Variants in HDAC9 observed in about 807,000 individuals in gnomAD.
HDAC9 encodes MEF-2 interacting transcription repressor (MITR) protein.
Under a neutral mutation model 139.4 loss-of-function variants are expected in HDAC9, and 41 were observed. The observed-to-expected ratio is 0.29, with a 90% CI of 0.23 to 0.38. The LOEUF is 0.38. HDAC9 is among the 10% of genes least tolerant of loss of function. The probability of loss-of-function intolerance (pLI) is 1.00; values close to 1 mark genes in which losing one functional copy is unlikely to be tolerated. For missense variants in HDAC9, 1,147 were observed against 1,297.0 expected (o/e 0.88, Z 1.78); for synonymous variants, 517 against 476.2 (o/e 1.09, Z -1.12).
intron 12 of HDAC9, among the ~76,000 whole-genome samples, chr7:18,716,377 CAA>C (rs894651589): frequency 1.4e-4 from 21 of 152,114 alleles, no homozygotes; most frequent in African/African-American, 4.8e-4. Context: ...TTTTCTATTG[CAA>C]AAGACATTAC....
At chr7:18,948,582 T>G (rs182071489) in intron 23 of HDAC9, among the ~76,000 whole-genome samples, 1 of 152,250 alleles carries the variant, frequency 6.6e-6, no homozygotes, top group Non-Finnish European at 1.5e-5. Context: ...TAAAATTACT[T>G]CAAAAAACAT....
intron 11 of HDAC9, among the ~76,000 whole-genome samples, chr7:18,661,024 A>G (rs990448279): frequency 2.4e-4 from 37 of 152,164 alleles, no homozygotes; most frequent in African/African-American, 7.0e-4. Context: ...AAGAGATTGT[A>G]CTGTTGAGGG....
intron 1 of HDAC9, among the ~76,000 whole-genome samples, chr7:18,399,516 T>C (rs772407846): frequency 2.0e-5 from 3 of 152,142 alleles, no homozygotes; most frequent in Non-Finnish European, 4.4e-5. Context: ...TCAACTTTCA[T>C]TTGTTGTTTT....
intron 2 of HDAC9, among the ~76,000 whole-genome samples, chr7:18,175,393 TC>T (rs1419758399): frequency 1.2e-4 from 18 of 152,174 alleles, no homozygotes; most frequent in Admixed American, 5.9e-4. Context: ...GAAAGGGAAT[TC>T]CCCAACTCCT....
At chr7:18,134,879 T>C (rs2128104720) in intron 1 of HDAC9, among the ~76,000 whole-genome samples, 1 of 152,302 alleles carries the variant, frequency 6.6e-6, no homozygotes, top group African/African-American at 2.4e-5. Context: ...TTGCCATTTG[T>C]TTTTATGCAT....
At position 18,127,574 on chromosome 7, in the gene HDAC9, C is replaced by T. The variant is rs186024750; in HGVS notation, c.-96-34655C>T. ...TTATTCTCTCTGGTTTTCAAAGTGT[C>T]TAGTGACTATTTTAAAAAAGGAATA... is the stretch of plus-strand genomic sequence containing the variant. On this transcript the variant is annotated intron_variant, in intron 1 of 12. Coordinates refer to the HDAC9 transcript ENST00000417496. 2.0e-5 allele frequency among the ~76,000 whole-genome samples: 3 copies of T among 152,154 alleles called. No homozygotes were observed. The East Asian group carries it at 5.8e-4, about 29-fold the overall frequency.
At chr7:18,900,352 A>T (rs930509887) in intron 22 of HDAC9, among the ~76,000 whole-genome samples, 1 of 152,146 alleles carries the variant, frequency 6.6e-6, no homozygotes, top group Non-Finnish European at 1.5e-5. Context: ...TGATCCTGGG[A>T]TGCTGTGAAA....
At chr7:18,701,219 A>T (rs1218232438) in intron 12 of HDAC9, among the ~76,000 whole-genome samples, 25 of 152,114 alleles carry the variant, frequency 1.6e-4, no homozygotes, top group Admixed American at 1.6e-3. Flanking sequence ...AACAAACAAG[A>T]AAACAACTCT....
intron 1 of HDAC9, among the ~76,000 whole-genome samples, chr7:18,434,047 G>T (rs1790938708): frequency 6.6e-6 from 1 of 152,098 alleles, no homozygotes; most frequent in African/African-American, 2.4e-5. Flanking sequence ...AAACAGCATG[G>T]TACTGGTACA....
In HDAC9 at chr7:18,532,009, G is replaced by A. The variant is rs185980041; in HGVS notation, c.22+35685G>A. ...CAAGCCTGTAATCCCAGCACTTTGG[G>A]AGGCCGAGGCAGGTGGATTACCTGA... On this transcript the variant is annotated intron_variant, in intron 2 of 25. Coordinates refer to ENST00000686413, the MANE Select transcript of HDAC9 (RefSeq NM_178425.4). 5.7e-3 allele frequency among the ~76,000 whole-genome samples: 870 copies of A among 152,302 alleles called. 8 individuals are homozygous for A. Among genetic ancestry groups the A allele is most frequent in the African/African-American group, 0.02 (839 of 41,558 alleles).
intron 2 of HDAC9, among the ~76,000 whole-genome samples, chr7:18,558,377 T>C (rs1279034006): frequency 6.6e-6 from 1 of 152,170 alleles, no homozygotes; most frequent in Non-Finnish European, 1.5e-5. Flanking sequence ...AAAAATGCTA[T>C]CTCAAGGTCT....
At chr7:18,317,622 T>C (rs1799745987) in intron 1 of HDAC9, among the ~76,000 whole-genome samples, 1 of 152,192 alleles carries the variant, frequency 6.6e-6, no homozygotes, top group Non-Finnish European at 1.5e-5. Context: ...ACTGATGGCA[T>C]GCCGTGCTTG....
chr7:18,864,429 A>C (rs1798337451), intron 21 of HDAC9, among the ~76,000 whole-genome samples: 1 of 151,926 alleles, frequency 6.6e-6, no homozygotes, highest in Non-Finnish European at 1.5e-5. Context: ...TAGGATGATG[A>C]AGTTCTAGAG....
intron 1 of HDAC9, among the ~76,000 whole-genome samples, chr7:18,298,382 C>A (rs957489334): frequency 4.6e-5 from 7 of 151,872 alleles, no homozygotes; most frequent in South Asian, 4.2e-4. Flanking sequence ...GTGCGCTACA[C>A]CCAGTAACTC....
At chr7:18,922,205 G>T (rs1803816470) in intron 22 of HDAC9, among the ~76,000 whole-genome samples, 1 of 151,950 alleles carries the variant, frequency 6.6e-6, no homozygotes, top group Non-Finnish European at 1.5e-5. Context: ...TTGTGCACAT[G>T]TACCCTACAA....
At chr7:18,574,589 A>C (rs1038882214) in intron 2 of HDAC9, among the ~76,000 whole-genome samples, 1 of 152,052 alleles carries the variant, frequency 6.6e-6, no homozygotes, top group African/African-American at 2.4e-5. Context: ...TCCTGCCGCC[A>C]TCAGTCATGT....
At chr7:18,381,240 A>C (rs926376515) in intron 1 of HDAC9, among the ~76,000 whole-genome samples, 5 of 151,074 alleles carry the variant, frequency 3.3e-5, no homozygotes, top group Admixed American at 3.3e-4. Context: ...AAAAAAGAAA[A>C]ATAAAATAAA....
intron 1 of HDAC9, among the ~76,000 whole-genome samples, chr7:18,367,819 A>G (rs1004119688): frequency 1.3e-5 from 2 of 152,094 alleles, no homozygotes; most frequent in African/African-American, 4.8e-5. Context: ...GAAGGCTGCT[A>G]GTGTTTCCCA....
chr7:18,916,016 C>A (rs1803167388), intron 22 of HDAC9, among the ~76,000 whole-genome samples: 1 of 83,600 alleles, frequency 1.2e-5, no homozygotes, highest in East Asian at 3.6e-4. Flanking sequence ...CTCTCACCCC[C>A]CGCTGGAAAA....
Sources: gnomAD v4.1 joint callset for allele counts (sites outside exome capture counted in the v4.1 genomes callset) on GRCh38, gnomAD v4.1.1 for gene constraint, MANE v1.5 for transcripts, NCBI Gene and HGNC (gene_info 2026-07-23, HGNC 2026-07-21) for gene names.